Variants in KAZN observed in about 807,000 individuals in gnomAD.
The protein encoded by KAZN is kazrin.
KAZN carries 40 observed loss-of-function variants against 87.4 expected under a neutral mutation model. The observed-to-expected ratio is 0.46, with a 90% CI of 0.36 to 0.60. KAZN has a LOEUF of 0.60. Among genes scored for constraint, KAZN ranks in the 20% least tolerant of loss-of-function variants. KAZN has a pLI of 0.00. For missense variants in KAZN, 898 were observed against 1,073.9 expected (o/e 0.84, Z 2.29); for synonymous variants, 466 against 458.3 (o/e 1.02, Z -0.22).
chr1:14,246,110 G>A (rs1649477591), intron 2 of KAZN, among the ~76,000 whole-genome samples: 1 of 152,188 alleles, frequency 6.6e-6, no homozygotes, highest in Non-Finnish European at 1.5e-5. Context: ...ACTTATAAGT[G>A]AGAGCTGAAC....
chr1:14,384,430 C>G (rs889322171), intron 2 of KAZN, among the ~76,000 whole-genome samples: 16 of 152,034 alleles, frequency 1.1e-4, no homozygotes, highest in African/African-American at 3.4e-4. Context: ...TTTGCCCATT[C>G]AGTATGATAT....
At chr1:14,785,715 G>A (rs1265268598) in intron 1 of KAZN, among the ~76,000 whole-genome samples, 1 of 152,170 alleles carries the variant, frequency 6.6e-6, no homozygotes, top group African/African-American at 2.4e-5. Context: ...ATCTTTCTTA[G>A]AGAATTGTTG....
intron 1 of KAZN, among the ~76,000 whole-genome samples, chr1:14,695,162 A>G (rs747994770): frequency 9.2e-5 from 14 of 152,224 alleles, no homozygotes; most frequent in Non-Finnish European, 1.6e-4. Context: ...ATGCTATCAT[A>G]TTGCTTTGCC....
chr1:14,338,372 C>A (rs987398242), intron 2 of KAZN, among the ~76,000 whole-genome samples: 1 of 151,736 alleles, frequency 6.6e-6, no homozygotes, highest in Non-Finnish European at 1.5e-5. Context: ...GTAGTCCCAG[C>A]TACTCGGGAC....
intron 2 of KAZN, among the ~76,000 whole-genome samples, chr1:14,490,767 G>A (rs905672998): frequency 6.6e-6 from 1 of 152,150 alleles, no homozygotes; most frequent in Non-Finnish European, 1.5e-5. Flanking sequence ...CATTCTAAAA[G>A]ATTTTTTAAA....
At chr1:14,374,483 CT>C (rs1660746122) in intron 2 of KAZN, among the ~76,000 whole-genome samples, 1 of 152,196 alleles carries the variant, frequency 6.6e-6, no homozygotes, top group African/African-American at 2.4e-5. Flanking sequence ...AACCTCTCAT[CT>C]TGAATACTCA....
intron 1 of KAZN, among the ~76,000 whole-genome samples, chr1:13,902,587 G>A (rs1051645731): frequency 2.6e-5 from 4 of 152,146 alleles, no homozygotes; most frequent in Non-Finnish European, 4.4e-5. Context: ...TGATGAATGG[G>A]TGCAAAAATA....
chr1:13,963,011 A>C (rs1029628830), intron 1 of KAZN, among the ~76,000 whole-genome samples: 5 of 152,076 alleles, frequency 3.3e-5, no homozygotes, highest in Non-Finnish European at 5.9e-5. Context: ...AAAGAGACAA[A>C]TTGGGGCCAG....
intron 13 of KAZN, among the ~76,000 whole-genome samples, chr1:15,104,432 T>C (rs776772039): frequency 2.6e-5 from 4 of 152,182 alleles, no homozygotes; most frequent in East Asian, 1.9e-4. Context: ...ATTAAGTGTA[T>C]ATTAGATCAA....
intron 2 of KAZN, among the ~76,000 whole-genome samples, chr1:14,257,828 G>T (rs920953730): frequency 7.6e-5 from 11 of 145,224 alleles, no homozygotes; most frequent in Non-Finnish European, 1.7e-4. Flanking sequence ...AGCATTGGGA[G>T]ATATACCTAA....
chr1:15,001,103 T>TA, intron 2 of KAZN, among the ~76,000 whole-genome samples: 1 of 151,818 alleles, frequency 6.6e-6, no homozygotes, highest in Non-Finnish European at 1.5e-5. Flanking sequence ...ACCTTGCCTC[T>TA]AAAAAATAAA....
chr1:14,036,376 T>C (rs918938833), intron 1 of KAZN, among the ~76,000 whole-genome samples: 2 of 152,222 alleles, frequency 1.3e-5, no homozygotes, highest in African/African-American at 2.4e-5. Context: ...GTGAGGGGAA[T>C]GTCTTCATGT....
chr1:14,146,422 G>A (rs1645350156), intron 1 of KAZN, among the ~76,000 whole-genome samples: 1 of 151,108 alleles, frequency 6.6e-6, no homozygotes, highest in African/African-American at 2.4e-5. Context: ...TGTAATCCCA[G>A]CTACTCGGGA....
intron 1 of KAZN, among the ~76,000 whole-genome samples, chr1:14,719,964 ATGGAG>A (rs61215230): frequency 0.25 from 38,482 of 151,930 alleles, 5,055 homozygotes; most frequent in Middle Eastern, 0.44. Flanking sequence ...ATTAGAGGAA[ATGGAG>A]TGGAGTGGAC....
At chr1:14,281,885 C>T (rs1449144251) in intron 2 of KAZN, among the ~76,000 whole-genome samples, 1 of 152,138 alleles carries the variant, frequency 6.6e-6, no homozygotes, top group Non-Finnish European at 1.5e-5. Context: ...TTCTAATTTG[C>T]CTGGGACTGA....
chr1:14,704,121 T>C (rs1453427387), intron 1 of KAZN, among the ~76,000 whole-genome samples: 1 of 152,176 alleles, frequency 6.6e-6, no homozygotes, highest in East Asian at 1.9e-4. Flanking sequence ...TAAGTCCCTC[T>C]ACCTCCCCTG....
At chr1:15,112,176 G>A in intron 13 of KAZN, 1 of 543,046 alleles carries the variant, frequency 1.8e-6, no homozygotes. Context: ...TGGGCAAATT[G>A]CTTGCTGTCT....
intron 2 of KAZN, among the ~76,000 whole-genome samples, chr1:14,266,057 T>C (rs1651449457): frequency 6.6e-6 from 1 of 152,222 alleles, no homozygotes; most frequent in South Asian, 2.1e-4. Context: ...GCCTGATGTC[T>C]GGCACTATGG....
At chr1:14,243,728 G>A (rs887862998) in intron 2 of KAZN, among the ~76,000 whole-genome samples, 3 of 152,188 alleles carry the variant, frequency 2.0e-5, no homozygotes, top group Middle Eastern at 3.4e-3. Context: ...TGTTGCTAGG[G>A]GCAGCCTTAT....
Sources: allele counts gnomAD v4.1 joint callset (sites outside exome capture counted in the v4.1 genomes callset), GRCh38; gene constraint gnomAD v4.1.1; transcripts MANE v1.5; gene names NCBI Gene and HGNC (gene_info 2026-07-23, HGNC 2026-07-21).